The following GNA14 variants were observed in gnomAD, a reference collection of about 807,000 sequenced individuals.
GNA14 encodes the protein G protein subunit alpha 14.
Under a neutral mutation model 42.0 loss-of-function variants are expected in GNA14, and 50 were observed. That is an observed-to-expected ratio of 1.19 (90% CI 0.95 to 1.51). GNA14 has a LOEUF of 1.51. Ranked by LOEUF, GNA14 falls within the 40% of genes most tolerant of loss-of-function variation. The pLI, the probability that GNA14 is intolerant of heterozygous loss-of-function variation, is 0.00. For missense variants in GNA14, 473 were observed against 446.2 expected (o/e 1.06, Z -0.54); for synonymous variants, 173 against 163.1 (o/e 1.06, Z -0.46).
In GNA14 at chr9:77,484,031, A is replaced by G. The variant is rs1003885800; in HGVS notation, c.309+45038T>C. On this transcript the variant is annotated intron_variant, in intron 2 of 6. Transcript: ENST00000341700. The stretch of plus-strand genomic sequence containing the variant: ...TAAGACATTTAAGACATTCAAGAAT[A>G]CAAAACAATTTCTCTCCCATGCCCC... Among the ~76,000 whole-genome samples, 7 of 152,262 alleles carry G rather than the reference A, an allele frequency of 4.6e-5. No individual in the cohort carries two copies. In the East Asian group the frequency reaches 9.6e-4, roughly 21 times the overall value.
chr9:77,567,238 C>T (rs1233907021), intron 1 of GNA14, among the ~76,000 whole-genome samples: 1 of 152,164 alleles, frequency 6.6e-6, no homozygotes, highest in Non-Finnish European at 1.5e-5. Context: ...TGACCTACTC[C>T]AATTTTCAAT....
intron 1 of GNA14, among the ~76,000 whole-genome samples, chr9:77,609,382 T>C (rs1020429977): frequency 3.3e-5 from 5 of 152,192 alleles, no homozygotes; most frequent in Admixed American, 3.3e-4. Context: ...ACAAAGATGG[T>C]GGTTTTCTCT....
At chr9:77,487,873 TCTCA>T (rs1749882104) in intron 2 of GNA14, among the ~76,000 whole-genome samples, 1 of 152,186 alleles carries the variant, frequency 6.6e-6, no homozygotes. Flanking sequence ...CTCGCTCAGA[TCTCA>T]CTGTCTCACA....
chr9:77,493,026 A>ATATATATATATATATATATATATAT (rs1261356124), intron 2 of GNA14, among the ~76,000 whole-genome samples: 1 of 51,714 alleles, frequency 1.9e-5, no homozygotes, highest in African/African-American at 1.1e-4. Context: ...AAAAAAAAAA[A>ATATATATATATATATATATATATAT]ATATATATAT....
rs184894281 is a variant in GNA14 at position 77,635,882 on chromosome 9, A to G, written c.124+11788T>C. On this transcript the variant is annotated intron_variant, in intron 1 of 6. Coordinates refer to ENST00000341700, the MANE Select transcript of GNA14 (RefSeq NM_004297.4). ...TTTGCCACCCCATCCATAGGATCAA[A>G]GTTTGTACTTGTGTTTCTCAAACAC... is the stretch of plus-strand genomic sequence containing the variant. 2.1e-3 allele frequency among the ~76,000 whole-genome samples: 327 copies of G among 152,288 alleles called. 2 individuals carry two copies. The highest frequency in any genetic ancestry group is 6.6e-3 in the African/African-American group (274 of 41,556).
intron 1 of GNA14, among the ~76,000 whole-genome samples, chr9:77,618,614 ATATATATTTTTTTTTTTTTT>A (rs1230404175): frequency 6.3e-4 from 7 of 11,078 alleles, no homozygotes; most frequent in Non-Finnish European, 8.0e-4. Context: ...ATATATATAT[ATATATATTTTTTTTTTTTTT>A]TTTTTTTTTT....
At chr9:77,629,175 T>C (rs916514452) in intron 1 of GNA14, among the ~76,000 whole-genome samples, 1 of 151,986 alleles carries the variant, frequency 6.6e-6, no homozygotes, top group Non-Finnish European at 1.5e-5. Flanking sequence ...AAAACCACAA[T>C]GAGATACCCT....
At chr9:77,493,026 A>AATATATATATATATATATAT (rs1172872010) in intron 2 of GNA14, among the ~76,000 whole-genome samples, 43 of 51,650 alleles carry the variant, frequency 8.3e-4, no homozygotes, top group Non-Finnish European at 1.1e-3. Flanking sequence ...AAAAAAAAAA[A>AATATATATATATATATATAT]ATATATATAT....
chr9:77,478,238 G>T (rs866999142), intron 2 of GNA14, among the ~76,000 whole-genome samples: 31 of 146,596 alleles, frequency 2.1e-4, no homozygotes, highest in African/African-American at 6.1e-4. Context: ...CCATGTGTTC[G>T]CATTGTTCAA....
intron 1 of GNA14, among the ~76,000 whole-genome samples, chr9:77,569,770 CTTTTTT>C (rs3052392): frequency 7.0e-6 from 1 of 142,954 alleles, no homozygotes; most frequent in African/African-American, 2.6e-5. Context: ...TCCTTTCTTT[CTTTTTT>C]TTTTTTTTAA....
intron 2 of GNA14, among the ~76,000 whole-genome samples, chr9:77,515,979 A>AAAAAAAAAAAAAAAAC: frequency 6.8e-6 from 1 of 147,458 alleles, no homozygotes; most frequent in Non-Finnish European, 1.5e-5. Flanking sequence ...AAAAAAAAAA[A>AAAAAAAAAAAAAAAAC]AAAACCCAGA....
chr9:77,455,650 G>A (rs986243057), intron 2 of GNA14, among the ~76,000 whole-genome samples: 1 of 152,152 alleles, frequency 6.6e-6, no homozygotes, highest in Non-Finnish European at 1.5e-5. Flanking sequence ...TAGGGTTACT[G>A]TCTCTGTTCA....
intron 1 of GNA14, among the ~76,000 whole-genome samples, chr9:77,623,553 C>T (rs186640492): frequency 4.0e-4 from 61 of 152,318 alleles, no homozygotes; most frequent in Middle Eastern, 3.4e-3. Context: ...GTGATTTCTG[C>T]ATTTCAAACT....
intron 1 of GNA14, among the ~76,000 whole-genome samples, chr9:77,625,452 A>C (rs542964170): frequency 1.3e-5 from 2 of 152,176 alleles, no homozygotes; most frequent in African/African-American, 4.8e-5. Context: ...GTCAGGTTGA[A>C]ATGAAGAAAA....
At chr9:77,486,428 A>G (rs915458528) in intron 2 of GNA14, among the ~76,000 whole-genome samples, 3 of 152,258 alleles carry the variant, frequency 2.0e-5, no homozygotes, top group Non-Finnish European at 4.4e-5. Context: ...CATATCAGCA[A>G]TAAGTCTATT....
intron 2 of GNA14, among the ~76,000 whole-genome samples, chr9:77,444,754 T>C (rs2131699174): frequency 6.6e-6 from 1 of 152,264 alleles, no homozygotes; most frequent in South Asian, 2.1e-4. Context: ...ACACAAGAGC[T>C]TCCATTACAG....
intron 1 of GNA14, among the ~76,000 whole-genome samples, chr9:77,551,938 G>C (rs767423339): frequency 3.3e-5 from 5 of 151,544 alleles, no homozygotes; most frequent in Admixed American, 2.0e-4. Context: ...TCAGGAGTTC[G>C]AGACCAGCCT....
rs961217721 is a variant in GNA14 at position 77,495,249 on chromosome 9, G to GA, written c.309+33819dup. 1.2e-4 allele frequency among the ~76,000 whole-genome samples: 18 copies of GA among 151,550 alleles called. 1 individual carries two copies. The highest frequency in any genetic ancestry group is 2.4e-4 in the African/African-American group (10 of 41,242). ...GGGCTGCCTTAGAGGAGTTGTGGGGGAAAAAACCTCTTTTTCCAAAAAAAA... is the reference window on the plus strand; with the variant it reads ...GGGCTGCCTTAGAGGAGTTGTGGGGGAAAAAAACCTCTTTTTCCAAAAAAAA... On this transcript the variant is annotated intron_variant, in intron 2 of 6. Transcript: ENST00000341700.
intron 1 of GNA14, among the ~76,000 whole-genome samples, chr9:77,601,674 G>C (rs1823567096): frequency 6.6e-6 from 1 of 152,178 alleles, no homozygotes; most frequent in Admixed American, 6.5e-5. Flanking sequence ...TTAAACCCTC[G>C]TAGCTCACCA....
Sources: gnomAD v4.1 joint callset for allele counts (sites outside exome capture counted in the v4.1 genomes callset) on GRCh38, gnomAD v4.1.1 for gene constraint, MANE v1.5 for transcripts, NCBI Gene and HGNC (gene_info 2026-07-23, HGNC 2026-07-21) for gene names.